The following ILRUN variants were observed in gnomAD, a reference collection of about 807,000 sequenced individuals.
ILRUN encodes the protein inflammation and lipid regulator with UBA-like and NBR1-like domains, also known as protein ILRUN.
A neutral mutation model predicts 33.8 loss-of-function variants in ILRUN; 3 were observed. That is an observed-to-expected ratio of 0.09 (90% CI 0.04 to 0.23). ILRUN has a LOEUF of 0.23. Among genes scored for constraint, ILRUN ranks in the 10% least tolerant of loss-of-function variants. The probability of loss-of-function intolerance (pLI) is 1.00; values close to 1 mark genes in which losing one functional copy is unlikely to be tolerated. For synonymous variants in ILRUN, 124 were observed against 138.9 expected, an observed-to-expected ratio of 0.89 and a Z score of 0.75; for missense variants, 210 against 375.1, an observed-to-expected ratio of 0.56 and a Z score of 3.64.
At chr6:34,615,968 A>T (rs1174096170) in intron 3 of ILRUN, among the ~76,000 whole-genome samples, 1 of 152,206 alleles carries the variant, frequency 6.6e-6, no homozygotes, top group Non-Finnish European at 1.5e-5. Flanking sequence ...CAGCAGTTGT[A>T]AAGAGAAACC....
intron 1 of ILRUN, among the ~76,000 whole-genome samples, chr6:34,665,292 C>CAAAAAA (rs60761039): frequency 2.6e-5 from 2 of 76,448 alleles, no homozygotes; most frequent in African/African-American, 9.0e-5. Flanking sequence ...CCCTTTTCTA[C>CAAAAAA]AAAAAAAAAA....
intron 1 of ILRUN, among the ~76,000 whole-genome samples, chr6:34,672,637 A>T (rs1207299228): frequency 6.6e-6 from 1 of 152,168 alleles, no homozygotes; most frequent in Non-Finnish European, 1.5e-5. Flanking sequence ...AAACAAAACT[A>T]AAGTAATAAA....
At position 34,643,279 on chromosome 6, in the gene ILRUN, A is replaced by C. The variant is rs553024435; in HGVS notation, c.511+3322T>G. 9.2e-5 allele frequency among the ~76,000 whole-genome samples: 14 copies of C among 151,776 alleles called. No homozygotes were observed. The South Asian group carries it at 1.5e-3, about 16-fold the overall frequency. On this transcript the variant is annotated intron_variant, in intron 3 of 4. Coordinates refer to ENST00000374023, the MANE Select transcript of ILRUN (RefSeq NM_024294.4). ...ATGTCACTGTACTCCAGCCTGGGCG[A>C]CAAGAGCAAGGACCCATCTCAAAAA... is the stretch of plus-strand genomic sequence containing the variant.
intron 4 of ILRUN, among the ~76,000 whole-genome samples, chr6:34,591,484 C>T (rs1047905625): frequency 9.9e-5 from 15 of 151,026 alleles, no homozygotes; most frequent in Non-Finnish European, 1.5e-4. Flanking sequence ...GGCAACAGAG[C>T]GAAATCCTGT....
chr6:34,696,683 G>A lies in ILRUN; in HGVS notation c.-80C>T. The A allele has an allele frequency of 3.3e-6, 5 of 1,500,706 alleles. No individual in the cohort carries two copies. Among genetic ancestry groups the A allele is most frequent in the Non-Finnish European group, 4.5e-6 (5 of 1,112,752 alleles). 93.0% of individuals were successfully genotyped at this position (1,500,706 alleles called of 1,614,324 possible). A position where few individuals can be genotyped will look rare whatever the true frequency, so the allele number is the denominator to read the frequency against. ...CCGCCGGGCCCGGGGACCTGGAGGG[G>A]GGCCGCTGCTAGCTAGCTTCGCGAC... On this transcript the variant is annotated 5_prime_UTR_variant, in exon 1 of 5. Transcript: ENST00000374023.
chr6:34,626,357 G>A (rs1489344086), intron 3 of ILRUN, among the ~76,000 whole-genome samples: 2 of 152,070 alleles, frequency 1.3e-5, no homozygotes, highest in Non-Finnish European at 2.9e-5. Flanking sequence ...TTTTTTTGTA[G>A]AGATGGGGGT....
intron 1 of ILRUN, among the ~76,000 whole-genome samples, chr6:34,679,237 T>TAC (rs1581549997): frequency 6.6e-6 from 1 of 151,816 alleles, no homozygotes; most frequent in African/African-American, 2.4e-5. Context: ...TATTATGCGC[T>TAC]ACATTGATGA....
chr6:34,693,743 T>C (rs1763697985), intron 1 of ILRUN, among the ~76,000 whole-genome samples: 1 of 151,768 alleles, frequency 6.6e-6, no homozygotes. Context: ...CTCGGCTCAC[T>C]GCAAGCTCCG....
intron 1 of ILRUN, among the ~76,000 whole-genome samples, chr6:34,666,657 G>C (rs917301924): frequency 6.6e-6 from 1 of 152,190 alleles, no homozygotes; most frequent in Non-Finnish European, 1.5e-5. Context: ...ATAATTCACA[G>C]GCCTGAGAGT....
chr6:34,664,992 AG>A (rs1762963294), intron 1 of ILRUN, among the ~76,000 whole-genome samples: 1 of 152,108 alleles, frequency 6.6e-6, no homozygotes, highest in Non-Finnish European at 1.5e-5. Flanking sequence ...TGAGAGAGAC[AG>A]GGTCTTGTGC....
chr6:34,659,382 G>C (rs115776970), intron 1 of ILRUN, among the ~76,000 whole-genome samples: 1 of 152,100 alleles, frequency 6.6e-6, no homozygotes, highest in African/African-American at 2.4e-5. Flanking sequence ...ATTTGCCCTA[G>C]GCTAGGCAAT....
intron 2 of ILRUN, among the ~76,000 whole-genome samples, chr6:34,648,900 AT>A (rs955231039): frequency 1.3e-5 from 2 of 152,234 alleles, no homozygotes; most frequent in African/African-American, 4.8e-5. Context: ...CCAAGACTGC[AT>A]GTGAAAAAGA....
chr6:34,613,926 G>A (rs766715729), intron 3 of ILRUN, among the ~76,000 whole-genome samples: 6 of 152,056 alleles, frequency 3.9e-5, no homozygotes, highest in African/African-American at 7.3e-5. Flanking sequence ...CTGATTCTGC[G>A]GCTAGGGCAT....
At chr6:34,631,326 C>T (rs974516988) in intron 3 of ILRUN, among the ~76,000 whole-genome samples, 1 of 151,152 alleles carries the variant, frequency 6.6e-6, no homozygotes, top group African/African-American at 2.4e-5. Context: ...GTCCCCCATT[C>T]CCCTCTTTTT....
chr6:34,626,445 G>A (rs1762132502), intron 3 of ILRUN, among the ~76,000 whole-genome samples: 1 of 152,166 alleles, frequency 6.6e-6, no homozygotes, highest in Admixed American at 6.5e-5. Flanking sequence ...TCAAAGGGCT[G>A]GAATTACAGG....
At chr6:34,630,505 T>C (rs1019410900) in intron 3 of ILRUN, among the ~76,000 whole-genome samples, 6 of 152,236 alleles carry the variant, frequency 3.9e-5, no homozygotes, top group Admixed American at 2.6e-4. Context: ...TGTCTCAGCC[T>C]CCCGAGTAGC....
rs140622700 is a variant in ILRUN, at chr6:34,591,040, T to C, written c.862-440A>G. On this transcript the variant is annotated intron_variant, in intron 4 of 4. Transcript: ENST00000374023. ...ACATATATCAGCAAAAACACAGAAA[T>C]AGCAACTATTTACTTAGCACCTAGG... Among the ~76,000 whole-genome samples, 4 of 152,314 alleles carry C rather than the reference T, an allele frequency of 2.6e-5. No individual in the cohort carries two copies. In the East Asian group the frequency reaches 7.7e-4, roughly 29 times the overall value.
chr6:34,691,401 C>T (rs915687076), intron 1 of ILRUN, among the ~76,000 whole-genome samples: 7 of 152,206 alleles, frequency 4.6e-5, no homozygotes, highest in Admixed American at 1.3e-4. Flanking sequence ...TTGACTACTT[C>T]TGTTAACAGA....
In ILRUN at chr6:34,637,864, C is replaced by CTGCTGCTGCTGT. The variant is rs749114775; in HGVS notation, c.511+8736_511+8737insACAGCAGCAGCA. Among the ~76,000 whole-genome samples the CTGCTGCTGCTGT allele has an allele frequency of 8.3e-3, 1,175 of 142,010 alleles. 17 individuals carry two copies. Among genetic ancestry groups the CTGCTGCTGCTGT allele is most frequent in the African/African-American group, 0.026 (942 of 36,888 alleles). The allele number at this position is 142,010 out of a possible 152,430, so 93.2% of individuals were successfully genotyped here. ...GTTGTTGCTGCTGCTGCTGCTGCTG[C>CTGCTGCTGCTGT]TGTTGTTGTTGTTGTTGTTGTTGTT... is the stretch of plus-strand genomic sequence containing the variant. On this transcript the variant is annotated intron_variant, in intron 3 of 4. Transcript: ENST00000374023.
Sources: allele counts gnomAD v4.1 joint callset (sites outside exome capture counted in the v4.1 genomes callset), GRCh38; gene constraint gnomAD v4.1.1; transcripts MANE v1.5; gene names NCBI Gene and HGNC (gene_info 2026-07-23, HGNC 2026-07-21).